SYNE1: variants seen among roughly 807,000 people sequenced by gnomAD.
SYNE1 encodes the protein nesprin-1.
In SYNE1, 616 loss-of-function variants were observed where a neutral mutation model predicts 1,111.0. The ratio of observed to expected loss-of-function variants is 0.55; its 90% confidence interval spans 0.52 to 0.59. The LOEUF (loss-of-function observed/expected upper bound fraction) is 0.59, where lower values mean the gene tolerates loss of function less well. Among genes scored for constraint, SYNE1 ranks in the 20% least tolerant of loss-of-function variants. SYNE1 has a pLI of 0.00. For synonymous variants in SYNE1, 3,855 were observed against 3,825.8 expected, an observed-to-expected ratio of 1.01 and a Z score of -0.28; for missense variants, 10,006 against 10,417.0, an observed-to-expected ratio of 0.96 and a Z score of 1.72.
In SYNE1 at chr6:152,354,574, T is replaced by A. The variant is rs139263245; in HGVS notation, c.10926+85A>T. The A allele has an allele frequency of 1.2e-3, 1,842 of 1,549,804 alleles. 24 individuals carry two copies. In the African/African-American group the frequency reaches 0.022, roughly 19 times the overall value. On this transcript the variant is annotated intron_variant, in intron 67 of 145. Coordinates refer to ENST00000367255, the MANE Select transcript of SYNE1 (RefSeq NM_182961.4). ...GATTTTGCAAAGCCTAAGCTTTGGA[T>A]AAAAGTTACTAAATATCTTAATGAA... is the stretch of plus-strand genomic sequence containing the variant.
chr6:152,367,014 T>G, intron 62 of SYNE1: 2 of 724,636 alleles, frequency 2.8e-6, no homozygotes, highest in Middle Eastern at 2.3e-4. Context: ...TTTATTTTAT[T>G]TTATTTTTTG....
At chr6:152,404,087 G>A (rs1396686961) in intron 46 of SYNE1, 126 bp downstream of exon 46, 32 of 537,004 alleles carry the variant, frequency 6.0e-5, no homozygotes, top group East Asian at 1.7e-4. Flanking sequence ...AGATATATAC[G>A]AGATATAGAT....
chr6:152,206,688 T>C (rs1321182273), intron 125 of SYNE1, among the ~76,000 whole-genome samples: 1 of 152,130 alleles, frequency 6.6e-6, no homozygotes, highest in Non-Finnish European at 1.5e-5. Context: ...AGGCTGAATG[T>C]GTCTTGCGAG....
At chr6:152,192,708 A>T (rs1258098204) in intron 127 of SYNE1, among the ~76,000 whole-genome samples, 2 of 151,958 alleles carry the variant, frequency 1.3e-5, no homozygotes, top group Non-Finnish European at 2.9e-5. Context: ...ATATAAATAT[A>T]TATTATATAT....
In SYNE1 at chr6:152,140,023, T is replaced by A. The variant is rs1273414184; in HGVS notation, c.25385A>T (p.Glu8462Val). The A allele has an allele frequency of 6.2e-7, 1 of 1,614,174 alleles. No homozygotes were observed. The highest frequency in any genetic ancestry group is 8.5e-7 in the Non-Finnish European group (1 of 1,180,034). ...TTCCAGACGCTGGAGCTGTTCCAAC[T>A]CCTCCTCCGTGTCCCCCAGCCAGGC... ...IWAWLGDTEE[E>V]LEQLQRLELS... Residue 8462 changes from glutamate (E) to valine (V), a missense_variant, in exon 140 of 146, where the codon GAG becomes GTG. Glu to Val is a moderately radical substitution (Grantham distance 121). Around this residue, in one of 7 missense-constraint regions of SYNE1, gnomAD observed 761 missense variants for 795.5 expected, o/e 0.96. Transcript: ENST00000367255.
At chr6:152,549,484 C>T (rs1036263571) in intron 3 of SYNE1, among the ~76,000 whole-genome samples, 9 of 152,142 alleles carry the variant, frequency 5.9e-5, no homozygotes, top group African/African-American at 1.9e-4. Flanking sequence ...TTCTCCTCCT[C>T]CCTCACTCTG....
intron 3 of SYNE1, among the ~76,000 whole-genome samples, chr6:152,568,140 A>T (rs1198506417): frequency 6.6e-6 from 1 of 152,130 alleles, no homozygotes; most frequent in East Asian, 1.9e-4. Flanking sequence ...GAAGACAGAC[A>T]TTTTAGGCCT....
chr6:152,541,354 T>C (rs1173852866), intron 3 of SYNE1, among the ~76,000 whole-genome samples: 1 of 152,172 alleles, frequency 6.6e-6, no homozygotes, highest in African/African-American at 2.4e-5. Context: ...CCTCTTTAGT[T>C]AGATGTATTC....
chr6:152,577,475 A>G (rs988768687), intron 3 of SYNE1, among the ~76,000 whole-genome samples: 1 of 152,132 alleles, frequency 6.6e-6, no homozygotes, highest in African/African-American at 2.4e-5. Context: ...TACTAAAAAC[A>G]CAAAATAATT....
intron 131 of SYNE1, among the ~76,000 whole-genome samples, chr6:152,156,728 G>C (rs199655471): frequency 2.0e-5 from 3 of 152,098 alleles, no homozygotes; most frequent in Non-Finnish European, 4.4e-5. Flanking sequence ...TTTGATCTAC[G>C]GTTGGTGGAA....
At chr6:152,503,924 A>T (rs756028828) in intron 9 of SYNE1, among the ~76,000 whole-genome samples, 1 of 152,216 alleles carries the variant, frequency 6.6e-6, no homozygotes, top group African/African-American at 2.4e-5. Context: ...CCTAATCTGT[A>T]TTCCTAAAAG....
intron 3 of SYNE1, among the ~76,000 whole-genome samples, chr6:152,580,094 C>T (rs2099514360): frequency 6.6e-6 from 1 of 152,218 alleles, no homozygotes; most frequent in African/African-American, 2.4e-5. Flanking sequence ...CTCCAAACTG[C>T]TTTCCACAGT....
At chr6:152,472,486 G>T in intron 14 of SYNE1, 73 bp from the exon 15 acceptor site, 1 of 1,362,648 alleles carries the variant, frequency 7.3e-7, no homozygotes, top group Non-Finnish European at 1.0e-6. Flanking sequence ...ATAATTTCCA[G>T]CCCGCACCGA....
rs80281892 is a variant in SYNE1, at chr6:152,409,890, C to A, written c.6231-181G>T. On this transcript the variant is annotated intron_variant, in intron 42 of 145. Coordinates refer to ENST00000367255, the MANE Select transcript of SYNE1 (RefSeq NM_182961.4). ...TACTTACTCCAATGTCTAAAATATT[C>A]TCCGTGAATGAGGTATGCACGCAAC... 4.1e-3 allele frequency among the ~76,000 whole-genome samples: 630 copies of A among 152,256 alleles called. 6 individuals are homozygous for A. Among genetic ancestry groups the A allele is most frequent in the African/African-American group, 0.014 (597 of 41,546 alleles).
chr6:152,272,249 T>C (rs1003640033), intron 98 of SYNE1, among the ~76,000 whole-genome samples: 3 of 152,186 alleles, frequency 2.0e-5, no homozygotes, highest in Admixed American at 2.0e-4. Context: ...GATAAGAAGG[T>C]GCAGCCAGAA....
In SYNE1 at chr6:152,318,202, T is replaced by C. The variant is rs2095783473; in HGVS notation, c.16451A>G (p.Gln5484Arg). The C allele has an allele frequency of 6.2e-7, 1 of 1,614,108 alleles. No homozygotes were observed. The highest frequency in any genetic ancestry group is 1.1e-5 in the South Asian group (1 of 91,088). ...TTGGCCATTCTGTTCCAAGAATTTCTGTACTGCTGCATCTAATTCCATTAA... is the reference window on the plus strand; with the variant it reads ...TTGGCCATTCTGTTCCAAGAATTTCCGTACTGCTGCATCTAATTCCATTAA... ...SKLMELDAAV[Q>R]KFLEQNGQLG... Residue 5484 changes from glutamine (Q) to arginine (R), a missense_variant, in exon 86 of 146, where the codon CAG (glutamine) becomes CGG (arginine). Around this residue, in one of 7 missense-constraint regions of SYNE1, gnomAD observed 4,955 missense variants for 5,017.2 expected, o/e 0.99. Coordinates refer to ENST00000367255, the MANE Select transcript of SYNE1 (RefSeq NM_182961.4).
intron 144 of SYNE1, among the ~76,000 whole-genome samples, chr6:152,131,464 G>A (rs2055625797): frequency 6.6e-6 from 1 of 151,942 alleles, no homozygotes; most frequent in Non-Finnish European, 1.5e-5. Flanking sequence ...TCATAAAGCT[G>A]GACAAAAAAT....
intron 5 of SYNE1, among the ~76,000 whole-genome samples, chr6:152,524,785 G>A (rs139833904): frequency 6.6e-6 from 1 of 152,282 alleles, no homozygotes; most frequent in African/African-American, 2.4e-5. Context: ...CTGGAACTCA[G>A]TCCCACTGAT....
At position 152,350,632 on chromosome 6, in the gene SYNE1, A is replaced by C. The variant is rs1415046484; in HGVS notation, c.11719T>G (p.Cys3907Gly). 1 of 1,614,162 alleles carries C rather than the reference A, an allele frequency of 6.2e-7. No individual in the cohort carries two copies. ...DQLQSDYQDL[C>G]SIGKEHVFSL... ...TCTCTCCTTACCTTTCCTATGCTGCACAGGTCCTGGTAATCACTTTGAAGT... is the reference window on the plus strand; with the variant it reads ...TCTCTCCTTACCTTTCCTATGCTGCCCAGGTCCTGGTAATCACTTTGAAGT... The change falls in exon 71 of 146, where the codon TGC (cysteine) becomes GGC (glycine). Residue 3907 changes from cysteine to glycine, a missense_variant. Physicochemically the swap from Cys to Gly is radical, Grantham distance 159. This residue lies in a region of SYNE1 where 4,955 missense variants were observed against 5,017.2 expected (regional missense o/e 0.99). Transcript: ENST00000367255.
Sources: gnomAD v4.1 joint callset for allele counts (sites outside exome capture counted in the v4.1 genomes callset) on GRCh38, gnomAD v4.1.1 for gene constraint, gnomAD v4.1.1 regional missense constraint, MANE v1.5 for transcripts, NCBI Gene and HGNC (gene_info 2026-07-23, HGNC 2026-07-21) for gene names.